CRACD: variants seen among roughly 807,000 people sequenced by gnomAD.
CRACD encodes the protein capping protein inhibiting regulator of actin dynamics.
CRACD carries 56 observed loss-of-function variants against 106.8 expected under a neutral mutation model. That is an observed-to-expected ratio of 0.52 (90% CI 0.42 to 0.66). The LOEUF (loss-of-function observed/expected upper bound fraction) is 0.66. CRACD is among the 30% of genes least tolerant of loss of function. The probability of loss-of-function intolerance (pLI) is 0.00; values close to 1 mark genes in which losing one functional copy is unlikely to be tolerated. For synonymous variants in CRACD, 754 were observed against 670.8 expected (o/e 1.12, Z -1.92); for missense variants, 1,730 against 1,623.2 (o/e 1.07, Z -1.13).
chr4:56,079,730 T>G (rs1732960444), intron 1 of CRACD, among the ~76,000 whole-genome samples: 1 of 152,324 alleles, frequency 6.6e-6, no homozygotes, highest in South Asian at 2.1e-4. Flanking sequence ...AGTGCAGGCA[T>G]GAGCCACTGT....
chr4:56,129,402 C>A (rs1409430977), intron 1 of CRACD, among the ~76,000 whole-genome samples: 1 of 152,210 alleles, frequency 6.6e-6, no homozygotes, highest in Non-Finnish European at 1.5e-5. Flanking sequence ...GTGATTGATT[C>A]TGAGAACACA....
At chr4:56,124,138 A>G (rs896745686) in intron 1 of CRACD, among the ~76,000 whole-genome samples, 2 of 152,112 alleles carry the variant, frequency 1.3e-5, no homozygotes, top group Non-Finnish European at 2.9e-5. Context: ...GGGTTTCACC[A>G]TGTTGGCCAG....
intron 2 of CRACD, among the ~76,000 whole-genome samples, chr4:56,238,553 CA>C (rs1274816426): frequency 6.6e-6 from 1 of 152,204 alleles, no homozygotes; most frequent in Non-Finnish European, 1.5e-5. Flanking sequence ...ACAGCATCAA[CA>C]ACTCATTGTA....
At chr4:56,284,152 C>T (rs972616911) in intron 3 of CRACD, among the ~76,000 whole-genome samples, 1 of 151,998 alleles carries the variant, frequency 6.6e-6, no homozygotes, top group Non-Finnish European at 1.5e-5. Flanking sequence ...TAATCATTTT[C>T]TTATCCTTTG....
intron 4 of CRACD, among the ~76,000 whole-genome samples, chr4:56,303,103 G>A (rs1042116948): frequency 6.6e-5 from 10 of 152,210 alleles, no homozygotes; most frequent in Non-Finnish European, 1.3e-4. Flanking sequence ...CGAGCACTCT[G>A]GGAGGTCGAG....
At chr4:56,267,657 A>G (rs1742102738) in intron 2 of CRACD, among the ~76,000 whole-genome samples, 1 of 152,074 alleles carries the variant, frequency 6.6e-6, no homozygotes, top group Non-Finnish European at 1.5e-5. Context: ...TTGGGTGGAG[A>G]ATCCAGTTAG....
chr4:56,312,621 C>T (rs888162277), intron 6 of CRACD, among the ~76,000 whole-genome samples: 2 of 152,150 alleles, frequency 1.3e-5, no homozygotes, highest in African/African-American at 4.8e-5. Flanking sequence ...AAAAAAGACA[C>T]ACTCCCAGCC....
chr4:56,250,387 A>G (rs919597801), intron 2 of CRACD, among the ~76,000 whole-genome samples: 2 of 152,178 alleles, frequency 1.3e-5, no homozygotes, highest in African/African-American at 4.8e-5. Context: ...TATATACCAT[A>G]TCTAATTTAT....
chr4:56,266,441 C>T (rs1742023560), intron 2 of CRACD, among the ~76,000 whole-genome samples: 1 of 152,162 alleles, frequency 6.6e-6, no homozygotes, highest in Admixed American at 6.5e-5. Context: ...TTTCTTCCCT[C>T]CTGTCCCCTT....
At chr4:56,174,351 G>T (rs1461476279) in intron 1 of CRACD, among the ~76,000 whole-genome samples, 1 of 152,050 alleles carries the variant, frequency 6.6e-6, no homozygotes, top group East Asian at 1.9e-4. Flanking sequence ...AATAAATATT[G>T]TTAACTAAGT....
chr4:56,254,472 ACTT>A (rs1232225222), intron 2 of CRACD, among the ~76,000 whole-genome samples: 2 of 151,632 alleles, frequency 1.3e-5, no homozygotes, highest in Admixed American at 6.6e-5. Context: ...GGACAAGGCG[ACTT>A]CTTATTATTT....
At chr4:56,049,914 C>T (rs1731812004) in intron 1 of CRACD, 1 of 152,198 alleles carries the variant, frequency 6.6e-6, no homozygotes, top group Admixed American at 6.5e-5. Context: ...TCTTTATCTT[C>T]GCCCGGGGCT....
At chr4:56,116,591 C>A (rs1265519624) in intron 1 of CRACD, among the ~76,000 whole-genome samples, 2 of 152,210 alleles carry the variant, frequency 1.3e-5, no homozygotes, top group Non-Finnish European at 2.9e-5. Flanking sequence ...TTTGTCAAAT[C>A]TGTGCTCTAT....
intron 2 of CRACD, among the ~76,000 whole-genome samples, chr4:56,206,260 A>C (rs571060076): frequency 6.6e-6 from 1 of 152,328 alleles, no homozygotes; most frequent in Admixed American, 6.5e-5. Context: ...GCTCAGGGAC[A>C]ATCTGGTGGC....
intron 5 of CRACD, chr4:56,308,719 C>T: frequency 2.0e-6 from 2 of 985,172 alleles, no homozygotes; most frequent in African/African-American, 1.7e-5. Context: ...CATTGACACC[C>T]TTTGTGTGGT....
intron 1 of CRACD, among the ~76,000 whole-genome samples, chr4:56,152,657 C>T (rs1178963998): frequency 6.6e-6 from 1 of 152,040 alleles, no homozygotes; most frequent in Non-Finnish European, 1.5e-5. Flanking sequence ...TATGATTACA[C>T]CTCTGCAACT....
rs1037842867 is a variant in CRACD, at chr4:56,233,072, A to G, written c.-188-39249A>G. 2.0e-5 allele frequency among the ~76,000 whole-genome samples: 3 copies of G among 151,916 alleles called. No homozygotes were observed. In the East Asian group the frequency reaches 5.8e-4, roughly 29 times the overall value. On this transcript the variant is annotated intron_variant, in intron 2 of 10. Transcript: ENST00000682029. ...ACATTTTTTTGTGTGCTTATTTACC[A>G]TTTGTATATCTACTTTGTGAAATGT...
chr4:56,150,561 C>G (rs909531724), intron 1 of CRACD, among the ~76,000 whole-genome samples: 7 of 152,158 alleles, frequency 4.6e-5, no homozygotes, highest in African/African-American at 1.7e-4. Flanking sequence ...AATTTCTTCC[C>G]TTCCCACCAC....
At chr4:56,156,519 A>G (rs1259250217) in intron 1 of CRACD, among the ~76,000 whole-genome samples, 1 of 152,202 alleles carries the variant, frequency 6.6e-6, no homozygotes, top group Non-Finnish European at 1.5e-5. Flanking sequence ...CTTCAATAAC[A>G]TTTCATTTGA....
Sources: allele counts gnomAD v4.1 joint callset (sites outside exome capture counted in the v4.1 genomes callset), GRCh38; gene constraint gnomAD v4.1.1; transcripts MANE v1.5; gene names NCBI Gene and HGNC (gene_info 2026-07-23, HGNC 2026-07-21).